Variants in NRXN1 observed in about 807,000 individuals in gnomAD.
NRXN1 encodes the protein neurexin-1.
A neutral mutation model predicts 150.9 loss-of-function variants in NRXN1; 39 were observed. The ratio of observed to expected loss-of-function variants is 0.26; its 90% confidence interval spans 0.20 to 0.34. NRXN1 has a LOEUF of 0.34. NRXN1 is among the 10% of genes least tolerant of loss of function. The pLI, the probability that NRXN1 is intolerant of heterozygous loss-of-function variation, is 1.00. For missense variants in NRXN1, 1,815 were observed against 1,949.9 expected (o/e 0.93, Z 1.30); for synonymous variants, 924 against 757.0 (o/e 1.22, Z -3.62).
At chr2:50,753,528 C>T (rs1317155110) in intron 5 of NRXN1, among the ~76,000 whole-genome samples, 2 of 151,868 alleles carry the variant, frequency 1.3e-5, no homozygotes, top group African/African-American at 4.8e-5. Context: ...GGCAGGAAAA[C>T]CTCAGGGACT....
In NRXN1 at chr2:50,695,418, A is replaced by T. The variant is rs574785978; in HGVS notation, c.833-71803T>A. On this transcript the variant is annotated intron_variant, in intron 5 of 22. Coordinates refer to ENST00000401669, the MANE Select transcript of NRXN1 (RefSeq NM_001330078.2). ...AACATAAAGTGGTGTACCTTATGTC[A>T]TATGCTCCAGGTAGCCCTGCCTCAT... Among the ~76,000 whole-genome samples the T allele has an allele frequency of 1.1e-4, 17 of 152,302 alleles. 1 individual carries two copies. The South Asian group carries it at 3.5e-3, about 32-fold the overall frequency.
chr2:49,932,700 T>A (rs745824999), intron 22 of NRXN1, among the ~76,000 whole-genome samples: 3 of 152,196 alleles, frequency 2.0e-5, no homozygotes. Flanking sequence ...ACAGAGCTAC[T>A]ATGACTTCCC....
intron 5 of NRXN1, among the ~76,000 whole-genome samples, chr2:50,624,032 G>A (rs1468102223): frequency 1.3e-4 from 20 of 151,998 alleles, no homozygotes. Context: ...AGAACATGTG[G>A]TGTTTGGTTT....
intron 2 of NRXN1, among the ~76,000 whole-genome samples, chr2:50,930,962 T>A (rs141717151): frequency 6.6e-6 from 1 of 152,288 alleles, no homozygotes; most frequent in South Asian, 2.1e-4. Context: ...GCTCTTGGAC[T>A]GAGGTTAAGA....
intron 2 of NRXN1, among the ~76,000 whole-genome samples, chr2:50,950,203 A>G (rs1038711155): frequency 1.8e-4 from 28 of 152,166 alleles, no homozygotes; most frequent in Non-Finnish European, 3.8e-4. Flanking sequence ...CAAATCTTTT[A>G]AAACATGTGT....
rs537603137 is a variant in NRXN1 at position 50,951,422 on chromosome 2, T to A, written c.773-25467A>T. 2.0e-5 allele frequency among the ~76,000 whole-genome samples: 3 copies of A among 152,220 alleles called. No homozygotes were observed. In the East Asian group the frequency reaches 5.8e-4, roughly 29 times the overall value. On this transcript the variant is annotated intron_variant, in intron 2 of 22. Transcript: ENST00000401669. ...CCCGCCAGATACCCAACTGGATGAA[T>A]AACTTGTGTATAATTATCTGAGCCT...
At chr2:50,204,923 C>T (rs1366707202) in intron 18 of NRXN1, among the ~76,000 whole-genome samples, 6 of 152,006 alleles carry the variant, frequency 3.9e-5, no homozygotes, top group Non-Finnish European at 7.4e-5. Flanking sequence ...CCTACTAAAG[C>T]CACTAATCTC....
intron 2 of NRXN1, among the ~76,000 whole-genome samples, chr2:50,968,158 C>T (rs897527100): frequency 6.6e-6 from 1 of 152,016 alleles, no homozygotes; most frequent in African/African-American, 2.4e-5. Context: ...TTTGGTCCTA[C>T]CCATTCTCTT....
intron 21 of NRXN1, among the ~76,000 whole-genome samples, chr2:49,948,344 A>G (rs1673322228): frequency 6.6e-6 from 1 of 152,076 alleles, no homozygotes; most frequent in Non-Finnish European, 1.5e-5. Context: ...TAAAATAACA[A>G]AAGATGTCAT....
At chr2:50,092,979 G>T (rs557195369) in intron 18 of NRXN1, among the ~76,000 whole-genome samples, 1 of 152,060 alleles carries the variant, frequency 6.6e-6, no homozygotes, top group African/African-American at 2.4e-5. Context: ...TCTCTTAAAT[G>T]AGATTCTTTA....
At chr2:50,092,276 T>C (rs1486023172) in intron 18 of NRXN1, among the ~76,000 whole-genome samples, 1 of 152,210 alleles carries the variant, frequency 6.6e-6, no homozygotes, top group Non-Finnish European at 1.5e-5. Flanking sequence ...TGCTGTTAAC[T>C]TTAGAATTTC....
At chr2:50,651,531 T>A (rs1366436115) in intron 5 of NRXN1, among the ~76,000 whole-genome samples, 1 of 151,540 alleles carries the variant, frequency 6.6e-6, no homozygotes, top group Non-Finnish European at 1.5e-5. Flanking sequence ...TAACATAACA[T>A]AACATAAAAT....
chr2:50,921,940 G>A (rs1686104322), intron 4 of NRXN1, 60 bp from the exon 5 acceptor site: 2 of 1,019,908 alleles, frequency 2.0e-6, no homozygotes, highest in South Asian at 2.3e-5. Flanking sequence ...AGGATAAAGA[G>A]GAGAAAAACA....
intron 18 of NRXN1, among the ~76,000 whole-genome samples, chr2:50,111,235 G>A (rs1463818930): frequency 6.6e-6 from 1 of 152,162 alleles, no homozygotes; most frequent in Admixed American, 6.5e-5. Context: ...TGTGATAACA[G>A]AAGCCCTTCT....
At chr2:50,011,808 T>C (rs1233143190) in intron 21 of NRXN1, among the ~76,000 whole-genome samples, 1 of 152,052 alleles carries the variant, frequency 6.6e-6, no homozygotes, top group Non-Finnish European at 1.5e-5. Flanking sequence ...AGGCAAAGAA[T>C]CATAGAAAAT....
intron 5 of NRXN1, among the ~76,000 whole-genome samples, chr2:50,736,338 C>A (rs1217620113): frequency 2.0e-5 from 3 of 152,176 alleles, no homozygotes; most frequent in Non-Finnish European, 4.4e-5. Flanking sequence ...GCCCAACCTG[C>A]CTAAGGGAGT....
intron 17 of NRXN1, among the ~76,000 whole-genome samples, chr2:50,238,626 C>A (rs2152882053): frequency 6.6e-6 from 1 of 152,060 alleles, no homozygotes; most frequent in South Asian, 2.1e-4. Flanking sequence ...ACCAAGTTTA[C>A]CAGTTAAATG....
intron 8 of NRXN1, chr2:50,615,645 T>A (rs948757803): frequency 1.3e-5 from 2 of 152,170 alleles, no homozygotes; most frequent in Admixed American, 1.3e-4. Flanking sequence ...TTCATCTATC[T>A]TTAAAGATTC....
At chr2:49,949,362 T>C (rs895750659) in intron 21 of NRXN1, among the ~76,000 whole-genome samples, 4 of 151,958 alleles carry the variant, frequency 2.6e-5, no homozygotes, top group Admixed American at 6.6e-5. Flanking sequence ...TTAAAAAATA[T>C]AGCTTAACTG....
Sources: allele counts gnomAD v4.1 joint callset (sites outside exome capture counted in the v4.1 genomes callset), GRCh38; gene constraint gnomAD v4.1.1; transcripts MANE v1.5; gene names NCBI Gene and HGNC (gene_info 2026-07-23, HGNC 2026-07-21).